Variants in KCNJ13 observed in about 807,000 individuals in gnomAD.
KCNJ13 encodes the protein inward rectifier potassium channel 13.
KCNJ13 carries 9 observed loss-of-function variants against 24.6 expected under a neutral mutation model. The ratio of observed to expected loss-of-function variants is 0.37; its 90% confidence interval spans 0.22 to 0.64. The LOEUF is 0.64. KCNJ13 is among the 30% of genes least tolerant of loss of function. The pLI is 0.64. For synonymous variants in KCNJ13, 148 were observed against 154.7 expected, an observed-to-expected ratio of 0.96 and a Z score of 0.32; for missense variants, 337 against 443.8, an observed-to-expected ratio of 0.76 and a Z score of 2.16.
Position 232,771,121 on chromosome 2 carries a change from A to G in KCNJ13, c.242T>C (p.Met81Thr), listed in dbSNP as rs371256707. 2.5e-5 allele frequency: 41 copies of G among 1,614,016 alleles called. No individual in the cohort carries two copies. Among genetic ancestry groups the G allele is most frequent in the Admixed American group, 3.3e-5 (2 of 59,974 alleles). ...ATGATCTAGTTCCAGATCACCATTCATCTCAGCCAGAACATACCAGAGCAC... is the reference window on the plus strand; with the variant it reads ...ATGATCTAGTTCCAGATCACCATTCGTCTCAGCCAGAACATACCAGAGCAC... ...FAVLWYVLAE[M>T]NGDLELDHDA... Residue 81 changes from methionine (M) to threonine (T), a missense_variant, in exon 2 of 3, where the codon ATG becomes ACG. Physicochemically the swap from Met to Thr is moderately conservative, Grantham distance 81 (BLOSUM62 -1). This residue lies in a region of KCNJ13 where 101 missense variants were observed against 139.2 expected (regional missense o/e 0.73). Coordinates refer to ENST00000233826, the MANE Select transcript of KCNJ13 (RefSeq NM_002242.4).
intron 2 of KCNJ13, 68 bp downstream of exon 2, chr2:232,770,835 C>G (rs1699213922): frequency 9.0e-7 from 1 of 1,112,888 alleles, no homozygotes; most frequent in Non-Finnish European, 1.3e-6. Context: ...ATACCCTTTC[C>G]AAACACCTGT....
Position 232,776,562 on chromosome 2 carries a change from G to C in KCNJ13, c.-134C>G. On this transcript the variant is annotated 5_prime_UTR_variant, in exon 1 of 3. Coordinates refer to ENST00000233826, the MANE Select transcript of KCNJ13 (RefSeq NM_002242.4). ...GTCTAGTTTGTAGGTTCTCTTCTTG[G>C]ACTGGTTTTACAGCTTACATTCCTC... 1 of 801,742 alleles carries C rather than the reference G, an allele frequency of 1.2e-6. No homozygotes were observed. Among genetic ancestry groups the C allele is most frequent in the Non-Finnish European group, 2.1e-6 (1 of 465,268 alleles). 49.7% of individuals were successfully genotyped at this position (801,742 alleles called of 1,614,324 possible).
In KCNJ13 at chr2:232,765,928, T is replaced by G. The variant is rs142756645; in HGVS notation, c.*2263A>C. 5.6e-4 allele frequency: 262 copies of G among 471,042 alleles called. 4 individuals carry two copies. Among genetic ancestry groups the G allele is most frequent in the African/African-American group, 4.5e-3 (225 of 50,186 alleles). The allele number at this position is 471,042 out of a possible 1,614,324, so 29.2% of individuals were successfully genotyped here. A position where few individuals can be genotyped will look rare whatever the true frequency, so the allele number is the denominator to read the frequency against. ...ACGTTTAAAGTTAGTTCCGAAGTAG[T>G]CTTCCTGATCATGTGTGCAAGACTT... On this transcript the variant is annotated 3_prime_UTR_variant, in exon 3 of 3. Coordinates refer to ENST00000233826, the MANE Select transcript of KCNJ13 (RefSeq NM_002242.4).
In KCNJ13 at chr2:232,768,140, T is replaced by G. The variant is rs1418655350; in HGVS notation, c.*51A>C. 6.3e-7 allele frequency: 1 copy of G among 1,580,954 alleles called. No homozygotes were observed. The highest frequency in any genetic ancestry group is 1.3e-5 in the African/African-American group (1 of 74,212). The stretch of plus-strand genomic sequence containing the variant: ...AACATGAGATACAGTAAAGAAAAAG[T>G]AGCTGCATAACTGGCTGGGTGTATT... On this transcript the variant is annotated 3_prime_UTR_variant, in exon 3 of 3. Transcript: ENST00000233826.
chr2:232,775,190 G>T (rs1164718738), intron 1 of KCNJ13, among the ~76,000 whole-genome samples: 2 of 151,942 alleles, frequency 1.3e-5, no homozygotes, highest in African/African-American at 4.8e-5. Flanking sequence ...ACTATTCTGT[G>T]GACTCTTATA....
Position 232,766,755 on chromosome 2 carries a change from G to A in KCNJ13, c.*1436C>T, listed in dbSNP as rs1698979332. The A allele has an allele frequency of 6.6e-6, 1 of 152,158 alleles. No individual in the cohort carries two copies. The highest frequency in any genetic ancestry group is 2.4e-5 in the African/African-American group (1 of 41,418). 9.4% of individuals were successfully genotyped at this position (152,158 alleles called of 1,614,324 possible). ...AAATAGTAGAAAAATGTGACTTGCT[G>A]CTGAGCCCTGCTCTTCACACCTGCT... On this transcript the variant is annotated 3_prime_UTR_variant, in exon 3 of 3. Coordinates refer to ENST00000233826, the MANE Select transcript of KCNJ13 (RefSeq NM_002242.4).
rs192600333 is a variant in KCNJ13 at position 232,770,605 on chromosome 2, T to C, written c.460+298A>G. On this transcript the variant is annotated intron_variant, in intron 2 of 2. Transcript: ENST00000233826. ...TGAAAACCTCCTTTTAAACCTTTTG[T>C]TAATTTTTTTTTTTTGATATGGGAT... Among the ~76,000 whole-genome samples, 364 of 99,012 alleles carry C rather than the reference T, an allele frequency of 3.7e-3. 4 individuals carry two copies. The highest frequency in any genetic ancestry group is 5.5e-3 in the Non-Finnish European group (232 of 42,434). 65.0% of individuals were successfully genotyped at this position (99,012 alleles called of 152,430 possible).
At chr2:232,774,837 G>A (rs535206183) in intron 1 of KCNJ13, among the ~76,000 whole-genome samples, 12 of 152,160 alleles carry the variant, frequency 7.9e-5, no homozygotes, top group Non-Finnish European at 1.6e-4. Flanking sequence ...TTTTATGAAA[G>A]TTCTAAAATT....
intron 1 of KCNJ13, 101 bp from the exon 2 acceptor site, chr2:232,771,479 C>G: frequency 1.4e-6 from 1 of 694,952 alleles, no homozygotes; most frequent in African/African-American, 1.8e-5. Flanking sequence ...GAATGCTTCT[C>G]TAACCACAAC....
intron 2 of KCNJ13, among the ~76,000 whole-genome samples, chr2:232,769,879 T>G (rs535387142): frequency 6.6e-6 from 1 of 152,302 alleles, no homozygotes; most frequent in Admixed American, 6.5e-5. Flanking sequence ...AACAGTCTAG[T>G]GGTGGTTTTA....
intron 1 of KCNJ13, among the ~76,000 whole-genome samples, chr2:232,773,423 G>A (rs1029148142): frequency 2.6e-5 from 4 of 152,070 alleles, no homozygotes; most frequent in African/African-American, 7.2e-5. Flanking sequence ...AGGAGCTTTG[G>A]ATTATTTGGA....
intron 1 of KCNJ13, among the ~76,000 whole-genome samples, chr2:232,771,701 C>T (rs902883847): frequency 5.9e-5 from 9 of 152,052 alleles, no homozygotes; most frequent in African/African-American, 1.2e-4. Context: ...TGCACAAGTC[C>T]GGGTGTCAAG....
rs1699073607 is a variant in KCNJ13 at position 232,768,527 on chromosome 2, T to C, written c.747A>G (p.Pro249=). Residue 249 remains proline (P), a synonymous_variant, in exon 3 of 3, where the codon CCA becomes CCG. Coordinates refer to ENST00000233826, the MANE Select transcript of KCNJ13 (RefSeq NM_002242.4). ...GGAGCAGAGTAGCCAGAGGACTTGA[T>C]GGTGTAATGGAGTGATAGTACGTTA... is the stretch of plus-strand genomic sequence containing the variant. ...FPLTYYHSIT[P]SSPLATLLQH... The C allele has an allele frequency of 6.2e-7, 1 of 1,614,120 alleles. No homozygotes were observed. Among genetic ancestry groups the C allele is most frequent in the Non-Finnish European group, 8.5e-7 (1 of 1,179,976 alleles).
intron 2 of KCNJ13, 79 bp downstream of exon 2, chr2:232,770,824 T>C (rs1279187887): frequency 2.1e-6 from 2 of 936,778 alleles, no homozygotes; most frequent in Non-Finnish European, 1.7e-6. Context: ...TATAACTGAC[T>C]ATACCCTTTC....
chr2:232,769,560 C>T (rs1001616344), intron 2 of KCNJ13, among the ~76,000 whole-genome samples: 18 of 134,458 alleles, frequency 1.3e-4, no homozygotes, highest in African/African-American at 3.6e-4. Context: ...AACTTTGAAA[C>T]GTATTTTTAA....
intron 2 of KCNJ13, 147 bp downstream of exon 2, chr2:232,770,756 T>C: frequency 1.5e-6 from 1 of 655,426 alleles, no homozygotes; most frequent in Non-Finnish European, 2.6e-6. Flanking sequence ...CTGTTTCTTT[T>C]CTATCTTAGA....
chr2:232,766,035 T>C lies in KCNJ13; in HGVS notation c.*2156A>G, dbSNP rs1018589645. On this transcript the variant is annotated 3_prime_UTR_variant, in exon 3 of 3. Transcript: ENST00000233826. ...GCAGCCATTCCTCCCTCCCAGTAAT[T>C]TCCGCCCTTTTTCCATTGTTACTTC... is the stretch of plus-strand genomic sequence containing the variant. 6.4e-6 allele frequency: 3 copies of C among 471,024 alleles called. No individual in the cohort carries two copies. Among genetic ancestry groups the C allele is most frequent in the Non-Finnish European group, 1.3e-5 (3 of 226,980 alleles). 29.2% of individuals were successfully genotyped at this position (471,024 alleles called of 1,614,324 possible).
chr2:232,773,910 TAAAAAA>T (rs61323973), intron 1 of KCNJ13, among the ~76,000 whole-genome samples: 22 of 112,802 alleles, frequency 2.0e-4, no homozygotes, highest in South Asian at 5.9e-4. Context: ...TGTCTCTATT[TAAAAAA>T]AAAAAAAAAA....
Position 232,776,508 on chromosome 2 carries a change from C to CT in KCNJ13, c.-81dup. On this transcript the variant is annotated 5_prime_UTR_variant, in exon 1 of 3. Transcript: ENST00000233826. ...TCTTAAGGAAATTTACAGAGTCTGC[C>CT]TTTTTGATCAGATAATTTTAATCTA... 1 of 1,275,598 alleles carries CT rather than the reference C, an allele frequency of 7.8e-7. No homozygotes were observed. The highest frequency in any genetic ancestry group is 1.1e-6 in the Non-Finnish European group (1 of 881,052). 79.0% of individuals were successfully genotyped at this position (1,275,598 alleles called of 1,614,324 possible). A position where few individuals can be genotyped will look rare whatever the true frequency, so the allele number is the denominator to read the frequency against.
Sources: allele counts gnomAD v4.1 joint callset (sites outside exome capture counted in the v4.1 genomes callset), GRCh38; gene constraint gnomAD v4.1.1; regional missense constraint gnomAD v4.1.1; transcripts MANE v1.5; gene names NCBI Gene and HGNC (gene_info 2026-07-23, HGNC 2026-07-21).